The following NCALD variants were observed in gnomAD, a reference collection of about 807,000 sequenced individuals.
NCALD encodes neurocalcin delta.
Under a neutral mutation model 18.6 loss-of-function variants are expected in NCALD, and 10 were observed. The ratio of observed to expected loss-of-function variants is 0.54; its 90% CI spans 0.33 to 0.91. The LOEUF is 0.91. NCALD is among the 40% of genes least tolerant of loss of function. The probability of loss-of-function intolerance (pLI) is 0.03; values close to 1 mark genes in which losing one functional copy is unlikely to be tolerated. For synonymous variants in NCALD, 88 were observed against 87.4 expected (o/e 1.01, Z -0.04); for missense variants, 184 against 247.6 (o/e 0.74, Z 1.72).
intron 2 of NCALD, among the ~76,000 whole-genome samples, chr8:102,006,863 CT>C (rs1821732269): frequency 6.6e-6 from 1 of 152,218 alleles, no homozygotes; most frequent in African/African-American, 2.4e-5. Context: ...GTTAACTTCT[CT>C]CCAGAGTATG....
chr8:101,791,880 T>C (rs973567279), upstream of NCALD, among the ~76,000 whole-genome samples: 2 of 152,276 alleles, frequency 1.3e-5, no homozygotes, highest in East Asian at 3.9e-4. Context: ...AGCCATAGAA[T>C]GAAAGGGTTA....
At chr8:101,727,847 T>C (rs1468423632) in intron 1 of NCALD, among the ~76,000 whole-genome samples, 3 of 152,208 alleles carry the variant, frequency 2.0e-5, no homozygotes, top group African/African-American at 7.2e-5. Context: ...GGATGTCCCA[T>C]CTTTTACCTC....
intron 1 of NCALD, among the ~76,000 whole-genome samples, chr8:102,081,545 T>TAAAAAAAAA (rs770307937): frequency 3.5e-4 from 24 of 68,682 alleles, no homozygotes; most frequent in African/African-American, 1.8e-3. Flanking sequence ...CAAATAATGG[T>TAAAAAAAAA]AAAAAAAAAA....
At chr8:102,119,750 C>A (rs981070704) in intron 1 of NCALD, among the ~76,000 whole-genome samples, 3 of 152,202 alleles carry the variant, frequency 2.0e-5, no homozygotes, top group Non-Finnish European at 4.4e-5. Flanking sequence ...TCTAGTCAAT[C>A]CCTTCCCTAA....
intron 3 of NCALD, among the ~76,000 whole-genome samples, chr8:101,911,167 AT>A (rs1222189605): frequency 4.6e-5 from 7 of 152,022 alleles, no homozygotes; most frequent in African/African-American, 1.7e-4. Flanking sequence ...ACAATGCTGA[AT>A]AACAATTCTT....
At chr8:102,040,216 A>C (rs949249172) in intron 1 of NCALD, among the ~76,000 whole-genome samples, 4 of 152,140 alleles carry the variant, frequency 2.6e-5, no homozygotes, top group Non-Finnish European at 5.9e-5. Context: ...GCAAAGAAAA[A>C]CTGGCTTTGC....
intron 2 of NCALD, among the ~76,000 whole-genome samples, chr8:102,016,876 G>C (rs1191794124): frequency 6.6e-6 from 1 of 152,094 alleles, no homozygotes; most frequent in Non-Finnish European, 1.5e-5. Context: ...GCAATCAACA[G>C]AGCTGGAAAG....
chr8:102,000,347 A>C (rs967476489), intron 2 of NCALD, among the ~76,000 whole-genome samples: 1 of 152,120 alleles, frequency 6.6e-6, no homozygotes, highest in Non-Finnish European at 1.5e-5. Context: ...GCCATTGCCG[A>C]GGGGTGCCCG....
At chr8:102,059,716 A>G (rs1823773802) in intron 1 of NCALD, among the ~76,000 whole-genome samples, 1 of 152,220 alleles carries the variant, frequency 6.6e-6, no homozygotes, top group African/African-American at 2.4e-5. Flanking sequence ...TTTGTTAACT[A>G]TTAGGTAGGA....
At chr8:101,945,396 T>G (rs1274401566) in intron 2 of NCALD, among the ~76,000 whole-genome samples, 1 of 151,972 alleles carries the variant, frequency 6.6e-6, no homozygotes, top group African/African-American at 2.4e-5. Context: ...AGTAAACAAG[T>G]AAAGCAAACA....
intron 1 of NCALD, chr8:101,721,253 T>C (rs1816343163): frequency 6.6e-6 from 1 of 152,338 alleles, no homozygotes; most frequent in Non-Finnish European, 1.5e-5. Flanking sequence ...TTGCCAATCT[T>C]CTTTGCGATT....
chr8:101,838,725 T>C (rs1488301406), intron 4 of NCALD, among the ~76,000 whole-genome samples: 2 of 152,246 alleles, frequency 1.3e-5, no homozygotes, highest in Non-Finnish European at 2.9e-5. Context: ...GGTGGACTCA[T>C]GCTTTTTGAT....
chr8:102,068,477 C>T (rs914077562), intron 1 of NCALD, among the ~76,000 whole-genome samples: 22 of 152,198 alleles, frequency 1.4e-4, no homozygotes, highest in Non-Finnish European at 2.5e-4. Flanking sequence ...GTTCTTTCCT[C>T]TGTTCTTCAC....
At chr8:101,972,450 T>C (rs1820277299) in intron 2 of NCALD, among the ~76,000 whole-genome samples, 1 of 152,164 alleles carries the variant, frequency 6.6e-6, no homozygotes, top group Non-Finnish European at 1.5e-5. Flanking sequence ...TTCCCTCTGT[T>C]CCCTTTATTT....
At chr8:101,937,211 G>A (rs1253493916) in intron 2 of NCALD, among the ~76,000 whole-genome samples, 5 of 109,820 alleles carry the variant, frequency 4.6e-5, no homozygotes, top group African/African-American at 7.1e-5. Context: ...TTTTAGGTTC[G>A]GGGGTAACAT....
chr8:101,814,999 T>A (rs1378243684), intron 4 of NCALD, among the ~76,000 whole-genome samples: 1 of 152,104 alleles, frequency 6.6e-6, no homozygotes, highest in Admixed American at 6.6e-5. Context: ...ATATTCCATG[T>A]TTATGGATAG....
intron 2 of NCALD, among the ~76,000 whole-genome samples, chr8:101,928,470 T>C (rs966735521): frequency 2.6e-5 from 4 of 152,134 alleles, no homozygotes; most frequent in Non-Finnish European, 5.9e-5. Context: ...TTTTCAACTT[T>C]TTGCCTTTTA....
chr8:102,111,787 C>A (rs1156831014), intron 1 of NCALD, among the ~76,000 whole-genome samples: 1 of 152,088 alleles, frequency 6.6e-6, no homozygotes, highest in African/African-American at 2.4e-5. Flanking sequence ...TGTTCAAAAT[C>A]TCTTACATAA....
At chr8:102,024,342 C>T (rs1342377330) in intron 1 of NCALD, among the ~76,000 whole-genome samples, 1 of 152,164 alleles carries the variant, frequency 6.6e-6, no homozygotes. Context: ...TGCATGCTTC[C>T]AACTTGCTTA....
Sources: allele counts gnomAD v4.1 joint callset (sites outside exome capture counted in the v4.1 genomes callset), GRCh38; gene constraint gnomAD v4.1.1; transcripts MANE v1.5; gene names NCBI Gene and HGNC (gene_info 2026-07-23, HGNC 2026-07-21).